TBCD: variants seen among roughly 807,000 people sequenced by gnomAD.
TBCD encodes the protein tubulin-specific chaperone D.
Under a neutral mutation model 169.3 loss-of-function variants are expected in TBCD, and 105 were observed. The observed-to-expected ratio is 0.62, with a 90% CI of 0.53 to 0.73. The LOEUF (loss-of-function observed/expected upper bound fraction) is 0.73. Among genes scored for constraint, TBCD ranks in the 30% least tolerant of loss-of-function variants. The pLI is 0.00. For synonymous variants in TBCD, 700 were observed against 643.9 expected, an observed-to-expected ratio of 1.09 and a Z score of -1.32; for missense variants, 1,444 against 1,600.1, an observed-to-expected ratio of 0.90 and a Z score of 1.66.
Position 82,829,054 on chromosome 17 carries a change from C to T in TBCD, c.1318+14120C>T, listed in dbSNP as rs145206639. Among the ~76,000 whole-genome samples the T allele has an allele frequency of 3.0e-3, 430 of 143,188 alleles. 2 individuals carry two copies. Among genetic ancestry groups the T allele is most frequent in the East Asian group, 8.9e-3 (41 of 4,606 alleles). The allele number at this position is 143,188 out of a possible 152,430, so 93.9% of individuals were successfully genotyped here. A position where few individuals can be genotyped will look rare whatever the true frequency, so the allele number is the denominator to read the frequency against. On this transcript the variant is annotated intron_variant, in intron 13 of 38. Transcript: ENST00000355528. ...ACACGCACACCCACAGGATCGAATG[C>T]GCACACACCCACAGATAGCACACAC... is the stretch of plus-strand genomic sequence containing the variant.
At chr17:82,862,126 G>A (rs1599014883) in intron 13 of TBCD, among the ~76,000 whole-genome samples, 2 of 152,150 alleles carry the variant, frequency 1.3e-5, no homozygotes, top group African/African-American at 4.8e-5. Flanking sequence ...GTTTCACCGT[G>A]TTAGCCAGGA....
At position 82,930,630 on chromosome 17, in the gene TBCD, C is replaced by T; in HGVS notation, c.3100C>T (p.Leu1034Phe). 6.2e-7 allele frequency: 1 copy of T among 1,613,994 alleles called. No homozygotes were observed. The highest frequency in any genetic ancestry group is 1.1e-5 in the South Asian group (1 of 91,074). The change falls in exon 33 of 39, where the codon CTT becomes TTT. Residue 1034 changes from leucine to phenylalanine, a missense_variant. Physicochemically the swap from Leu to Phe is conservative, Grantham distance 22 (BLOSUM62 0). Coordinates refer to ENST00000355528, the MANE Select transcript of TBCD (RefSeq NM_005993.5). This position sits in a 1 kb window ranked among gnomAD's most constrained non-coding sequence, Gnocchi z 5.2. ...CCTTCTGCAGATCTTTGAGGACAAC[C>T]TTCTGAATGAGAGGTGAGTGGTGTC... ...GTLLQIFEDN[L>F]LNERVSVPLL... is the part of the protein sequence containing the mutation.
Position 82,832,474 on chromosome 17 carries a change from A to C in TBCD, c.1318+17540A>C. 1 of 1,601,618 alleles carries C rather than the reference A, an allele frequency of 6.2e-7. No individual in the cohort carries two copies. Among genetic ancestry groups the C allele is most frequent in the Non-Finnish European group, 8.5e-7 (1 of 1,177,176 alleles). ...ACTCATTTTCCTCCTTATGCCTTGGACTCTGGCTGTCCAGGTGGCGTGATC... is the reference window on the plus strand; with the variant it reads ...ACTCATTTTCCTCCTTATGCCTTGGCCTCTGGCTGTCCAGGTGGCGTGATC... On this transcript the variant is annotated intron_variant, in intron 13 of 38. Transcript: ENST00000355528. The surrounding 1 kb of genome is among the most constrained non-coding windows in gnomAD (Gnocchi z 4.9).
chr17:82,779,238 T>A (rs1387017265), intron 6 of TBCD, among the ~76,000 whole-genome samples: 1 of 150,470 alleles, frequency 6.6e-6, no homozygotes, highest in Non-Finnish European at 1.5e-5. Flanking sequence ...ACTTCTGACG[T>A]CGTGATTCAC....
Position 82,923,814 on chromosome 17 carries a change from C to A in TBCD, c.2260+81C>A. ...GGGGAGTGTCTGGGCACGGAGGAGG[C>A]CTCGGTTGTGCAGTGGAGCAGAGCC... On this transcript the variant is annotated intron_variant, in intron 26 of 38. Coordinates refer to ENST00000355528, the MANE Select transcript of TBCD (RefSeq NM_005993.5). The surrounding 1 kb of genome is among the most constrained non-coding windows in gnomAD (Gnocchi z 4.6). 8.1e-7 allele frequency: 1 copy of A among 1,229,986 alleles called. No individual in the cohort carries two copies. The highest frequency in any genetic ancestry group is 1.1e-6 in the Non-Finnish European group (1 of 875,288). The allele number at this position is 1,229,986 out of a possible 1,614,324, so 76.2% of individuals were successfully genotyped here.
intron 13 of TBCD, among the ~76,000 whole-genome samples, chr17:82,853,337 G>C (rs926150592): frequency 2.0e-5 from 3 of 151,784 alleles, no homozygotes; most frequent in Non-Finnish European, 4.4e-5. Flanking sequence ...CAGTCCACCT[G>C]TCTCAGCTTC....
At position 82,819,295 on chromosome 17, in the gene TBCD, T is replaced by C. The variant is rs1033226578; in HGVS notation, c.1318+4361T>C. On this transcript the variant is annotated intron_variant, in intron 13 of 38. Transcript: ENST00000355528. ...GTCTTTCTGCCCTTAGTCCTCTGAA[T>C]AGGGGGACTCTGCCTGCTGGACTCA... 5.9e-5 allele frequency among the ~76,000 whole-genome samples: 9 copies of C among 152,326 alleles called. No individual in the cohort carries two copies. The East Asian group carries it at 1.4e-3, about 23-fold the overall frequency.
intron 18 of TBCD, among the ~76,000 whole-genome samples, chr17:82,902,631 CGCGG>C (rs764340007): frequency 1.3e-5 from 2 of 152,226 alleles, no homozygotes; most frequent in Non-Finnish European, 2.9e-5. Context: ...GTCCTGCCAG[CGCGG>C]GCGTCTGCCA....
chr17:82,892,525 CCT>C (rs1204041527), intron 16 of TBCD, among the ~76,000 whole-genome samples: 1 of 152,132 alleles, frequency 6.6e-6, no homozygotes, highest in Non-Finnish European at 1.5e-5. Flanking sequence ...CTCATTCCGG[CCT>C]CTCCTGGTGG....
At chr17:82,827,201 C>T (rs1057253107) in intron 13 of TBCD, among the ~76,000 whole-genome samples, 1 of 152,202 alleles carries the variant, frequency 6.6e-6, no homozygotes, top group Admixed American at 6.5e-5. Flanking sequence ...CACGCCTGAC[C>T]TCTGTGCTCT....
intron 17 of TBCD, among the ~76,000 whole-genome samples, chr17:82,898,012 C>T (rs937167520): frequency 4.7e-5 from 7 of 147,388 alleles, no homozygotes; most frequent in African/African-American, 1.8e-4. Context: ...GCATTGAGCC[C>T]CTGTGGGTTT....
chr17:82,825,249 C>T (rs1166833170), intron 13 of TBCD, among the ~76,000 whole-genome samples: 4 of 152,050 alleles, frequency 2.6e-5, no homozygotes, highest in Non-Finnish European at 5.9e-5. Context: ...ATGGTGTTCT[C>T]AGAATCTTTG....
chr17:82,911,937 G>A (rs1284143770), intron 23 of TBCD, 148 bp downstream of exon 23: 1 of 753,624 alleles, frequency 1.3e-6, no homozygotes, highest in Non-Finnish European at 2.2e-6. Context: ...TCTGTGATGT[G>A]CTTGGTTTGT....
intron 13 of TBCD, chr17:82,859,669 G>A (rs2056601738): frequency 8.1e-6 from 8 of 985,458 alleles, no homozygotes; most frequent in Non-Finnish European, 9.6e-6. Flanking sequence ...AGGCTCCTGA[G>A]GACCAGCAGA....
chr17:82,870,141 G>A (rs558621139), intron 13 of TBCD, 83 bp from the exon 14 acceptor site: 32 of 1,584,942 alleles, frequency 2.0e-5, no homozygotes, highest in Middle Eastern at 3.4e-4. Context: ...ACCGCGCTCC[G>A]GCCCTGAGCC....
At chr17:82,934,264 G>C (rs950540513) in intron 34 of TBCD, among the ~76,000 whole-genome samples, 6 of 152,212 alleles carry the variant, frequency 3.9e-5, no homozygotes, top group African/African-American at 7.2e-5. Flanking sequence ...CTTCGGGCGG[G>C]AGGCAGATCT....
At chr17:82,910,240 C>T (rs1010406094) in intron 22 of TBCD, among the ~76,000 whole-genome samples, 5 of 152,156 alleles carry the variant, frequency 3.3e-5, no homozygotes, top group African/African-American at 7.2e-5. Context: ...TGCTGCTGCA[C>T]GTCCCCATCC....
intron 22 of TBCD, among the ~76,000 whole-genome samples, chr17:82,910,144 G>A (rs1048149018): frequency 2.6e-5 from 4 of 152,216 alleles, no homozygotes; most frequent in Admixed American, 1.3e-4. Context: ...TACGTTTCAC[G>A]TTTCCTGGCT....
At chr17:82,881,826 C>T (rs2058371468) in intron 14 of TBCD, among the ~76,000 whole-genome samples, 2 of 152,202 alleles carry the variant, frequency 1.3e-5, no homozygotes, top group African/African-American at 4.8e-5. Context: ...ACTTCCTACC[C>T]TTTCCATCTA....
Sources: gnomAD v4.1 joint callset for allele counts (sites outside exome capture counted in the v4.1 genomes callset) on GRCh38, gnomAD v4.1.1 for gene constraint, Gnocchi (gnomAD v3.1) non-coding constraint, MANE v1.5 for transcripts, NCBI Gene and HGNC (gene_info 2026-07-23, HGNC 2026-07-21) for gene names.